Variants in EYA4 observed in about 807,000 individuals in gnomAD.
EYA4 encodes the protein EYA transcriptional coactivator and phosphatase 4.
EYA4 carries 31 observed loss-of-function variants against 87.9 expected under a neutral mutation model. The observed-to-expected ratio is 0.35, with a 90% CI of 0.27 to 0.48. EYA4 has a LOEUF of 0.48. EYA4 is among the 20% of genes least tolerant of loss of function. The pLI, the probability that EYA4 is intolerant of heterozygous loss-of-function variation, is 0.99. For synonymous variants in EYA4, 263 were observed against 270.6 expected (o/e 0.97, Z 0.28); for missense variants, 678 against 761.4 (o/e 0.89, Z 1.29).
chr6:133,523,322 A>G lies in EYA4; in HGVS notation c.1738+145A>G. 1.7e-5 allele frequency: 14 copies of G among 803,808 alleles called. No homozygotes were observed. The South Asian group carries it at 2.1e-4, about 12-fold the overall frequency. The allele number at this position is 803,808 out of a possible 1,614,324, so 49.8% of individuals were successfully genotyped here. ...CAAAGTCCCCTACAACTCATTGTAC[A>G]TGTATGAATTTTTTGAGAACTGTTG... On this transcript the variant is annotated intron_variant, in intron 18 of 19. Coordinates refer to ENST00000355286, the MANE Select transcript of EYA4 (RefSeq NM_004100.5).
intron 2 of EYA4, among the ~76,000 whole-genome samples, chr6:133,309,931 T>C (rs188108542): frequency 6.6e-6 from 1 of 152,242 alleles, no homozygotes; most frequent in African/African-American, 2.4e-5. Context: ...AAAAGAAAGA[T>C]ATTTGGGAAG....
rs372983250 is a variant in EYA4 at position 133,269,749 on chromosome 6, T to C, written c.-65-4967T>C. The stretch of plus-strand genomic sequence containing the variant: ...GATATTGAATATTCAATAAACTGAA[T>C]TGGCATCTGTATTAGGGTTCTCTAG... On this transcript the variant is annotated intron_variant, in intron 1 of 19. Transcript: ENST00000355286. 2.8e-4 allele frequency among the ~76,000 whole-genome samples: 43 copies of C among 152,238 alleles called. 1 individual carries two copies. In the South Asian group the frequency reaches 8.9e-3, roughly 32 times the overall value.
Position 133,474,532 on chromosome 6 carries a change from C to G in EYA4, c.970+5801C>G, listed in dbSNP as rs148797964. Reference sequence around the variant, plus strand: ...GAGGTCAAGAAATATAGTTTGACATCATTTTCAGATTTTATTAGACTGTCT... The same window carrying G: ...GAGGTCAAGAAATATAGTTTGACATGATTTTCAGATTTTATTAGACTGTCT... On this transcript the variant is annotated intron_variant, in intron 11 of 19. Coordinates refer to ENST00000355286, the MANE Select transcript of EYA4 (RefSeq NM_004100.5). Among the ~76,000 whole-genome samples, 620 of 152,158 alleles carry G rather than the reference C, an allele frequency of 4.1e-3. 2 individuals carry two copies. The highest frequency in any genetic ancestry group is 0.024 in the Middle Eastern group (7 of 294).
intron 13 of EYA4, among the ~76,000 whole-genome samples, chr6:133,484,790 G>C (rs1470542078): frequency 6.6e-6 from 1 of 152,182 alleles, no homozygotes; most frequent in Non-Finnish European, 1.5e-5. Flanking sequence ...CCCAAATAAA[G>C]ATCCCTTCAA....
intron 7 of EYA4, 67 bp downstream of exon 7, chr6:133,461,247 G>A: frequency 9.0e-7 from 1 of 1,112,018 alleles, no homozygotes; most frequent in East Asian, 2.4e-5. Context: ...TTTATAGATG[G>A]TTGGATAATA....
Position 133,480,540 on chromosome 6 carries a change from A to T in EYA4, c.971-923A>T, listed in dbSNP as rs139132954. 2.0e-3 allele frequency among the ~76,000 whole-genome samples: 308 copies of T among 152,318 alleles called. 4 individuals are homozygous for T. The highest frequency in any genetic ancestry group is 6.9e-3 in the African/African-American group (286 of 41,572). On this transcript the variant is annotated intron_variant, in intron 11 of 19. Transcript: ENST00000355286. ...ATCCAGTATAAGCATAGAACACTGCACAACATTTCAAAGACTTAGTATGAA... is the reference window on the plus strand; with the variant it reads ...ATCCAGTATAAGCATAGAACACTGCTCAACATTTCAAAGACTTAGTATGAA...
rs138254154 is a variant in EYA4 at position 133,527,251 on chromosome 6, C to G, written c.1840-1474C>G. Among the ~76,000 whole-genome samples the G allele has an allele frequency of 5.9e-5, 9 of 152,264 alleles. No homozygotes were observed. In the East Asian group the frequency reaches 1.7e-3, roughly 29 times the overall value. ...ATCGCATGTGCAGAAATGTTAAGTA[C>G]TGTTTTGTTGTTACAAATAGATCTG... On this transcript the variant is annotated intron_variant, in intron 19 of 19. Transcript: ENST00000355286.
rs1800495435 is a variant in EYA4, at chr6:133,524,938, C to T, written c.1739-216C>T. On this transcript the variant is annotated intron_variant, in intron 18 of 19. Transcript: ENST00000355286. Reference sequence around the variant, plus strand: ...GCCAGTTCAAGTGATGTTCAAGAGGCATTAACTTAACACTTTATGAATCTT... The same window carrying T: ...GCCAGTTCAAGTGATGTTCAAGAGGTATTAACTTAACACTTTATGAATCTT... The T allele has an allele frequency of 2.5e-6, 3 of 1,199,310 alleles. No individual in the cohort carries two copies. In the Admixed American group the frequency reaches 5.1e-5, roughly 20 times the overall value. 74.3% of individuals were successfully genotyped at this position (1,199,310 alleles called of 1,614,324 possible). A position where few individuals can be genotyped will look rare whatever the true frequency, so the allele number is the denominator to read the frequency against.
chr6:133,407,918 T>C (rs1788866990), intron 3 of EYA4, among the ~76,000 whole-genome samples: 1 of 152,160 alleles, frequency 6.6e-6, no homozygotes, highest in Non-Finnish European at 1.5e-5. Flanking sequence ...GCTTGCCTGA[T>C]TTTCTTTAGC....
chr6:133,487,397 G>C (rs975050013), intron 13 of EYA4, among the ~76,000 whole-genome samples: 5 of 152,260 alleles, frequency 3.3e-5, no homozygotes, highest in Middle Eastern at 3.4e-3. Context: ...CACCAGCCAG[G>C]GCAGCCAAGG....
chr6:133,472,611 T>C (rs1795368281), intron 11 of EYA4, among the ~76,000 whole-genome samples: 2 of 37,522 alleles, frequency 5.3e-5, no homozygotes, highest in Admixed American at 3.4e-4. Context: ...CTATTAGGTC[T>C]GCTTGGTGCA....
intron 3 of EYA4, among the ~76,000 whole-genome samples, chr6:133,441,878 A>G (rs1792334208): frequency 6.6e-6 from 1 of 152,058 alleles, no homozygotes; most frequent in Non-Finnish European, 1.5e-5. Flanking sequence ...CAAAGAATCA[A>G]TACTGACATA....
At chr6:133,499,683 A>G (rs928845688) in intron 13 of EYA4, among the ~76,000 whole-genome samples, 3 of 152,198 alleles carry the variant, frequency 2.0e-5, no homozygotes, top group African/African-American at 7.2e-5. Flanking sequence ...GTAATTGGCT[A>G]CATTACTAAG....
chr6:133,458,375 A>G (rs1262411648), intron 6 of EYA4, among the ~76,000 whole-genome samples: 4 of 152,170 alleles, frequency 2.6e-5, no homozygotes, highest in Admixed American at 6.6e-5. Flanking sequence ...CCAAAATTTA[A>G]CTGAATTTTC....
intron 14 of EYA4, among the ~76,000 whole-genome samples, chr6:133,507,983 C>T (rs1798796538): frequency 6.6e-6 from 1 of 152,106 alleles, no homozygotes; most frequent in South Asian, 2.1e-4. Flanking sequence ...AATTTACACT[C>T]CCACCAACAC....
chr6:133,330,623 A>C (rs1781868521), intron 2 of EYA4, among the ~76,000 whole-genome samples: 2 of 151,510 alleles, frequency 1.3e-5, no homozygotes, highest in South Asian at 2.1e-4. Context: ...AGAAGCATTA[A>C]AATAAATTAA....
At chr6:133,380,502 C>G (rs540481108) in intron 2 of EYA4, among the ~76,000 whole-genome samples, 1 of 152,220 alleles carries the variant, frequency 6.6e-6, no homozygotes, top group South Asian at 2.1e-4. Flanking sequence ...CAGTTGCGAG[C>G]ATATGTCTAG....
intron 2 of EYA4, among the ~76,000 whole-genome samples, chr6:133,291,041 G>A (rs1778447868): frequency 6.6e-6 from 1 of 152,138 alleles, no homozygotes; most frequent in South Asian, 2.1e-4. Flanking sequence ...TATTTTGCAT[G>A]TTTGTTTTTC....
intron 1 of EYA4, among the ~76,000 whole-genome samples, chr6:133,257,013 T>C (rs1582763697): frequency 6.6e-6 from 1 of 152,258 alleles, no homozygotes; most frequent in East Asian, 1.9e-4. Flanking sequence ...CTTACACATA[T>C]AAAACTGAAA....
Sources: gnomAD v4.1 joint callset for allele counts (sites outside exome capture counted in the v4.1 genomes callset) on GRCh38, gnomAD v4.1.1 for gene constraint, MANE v1.5 for transcripts, NCBI Gene and HGNC (gene_info 2026-07-23, HGNC 2026-07-21) for gene names.